The following TBCK variants were observed in gnomAD, a reference collection of about 807,000 sequenced individuals.
TBCK encodes the protein TBC domain-containing protein kinase-like protein.
Under a neutral mutation model 113.4 loss-of-function variants are expected in TBCK, and 99 were observed. The ratio of observed to expected loss-of-function variants is 0.87; its 90% CI spans 0.74 to 1.03. The LOEUF (loss-of-function observed/expected upper bound fraction) is 1.03. Among genes scored for constraint, TBCK ranks in the 50% least tolerant of loss-of-function variants. The pLI, the probability that TBCK is intolerant of heterozygous loss-of-function variation, is 0.00. For synonymous variants in TBCK, 369 were observed against 370.8 expected, an observed-to-expected ratio of 1.00 and a Z score of 0.05; for missense variants, 1,045 against 1,061.3, an observed-to-expected ratio of 0.98 and a Z score of 0.21.
chr4:106,155,800 G>C (rs887438867), intron 23 of TBCK, among the ~76,000 whole-genome samples: 1 of 151,998 alleles, frequency 6.6e-6, no homozygotes, highest in African/African-American at 2.4e-5. Flanking sequence ...GTGTCATCTT[G>C]AATTTCTTTG....
intron 25 of TBCK, among the ~76,000 whole-genome samples, chr4:106,048,921 G>C (rs1734501694): frequency 1.3e-5 from 2 of 152,118 alleles, no homozygotes; most frequent in Non-Finnish European, 2.9e-5. Flanking sequence ...TGCTGTGTGG[G>C]AGGTCTAAGA....
At chr4:106,136,444 T>C (rs1358728728) in intron 23 of TBCK, among the ~76,000 whole-genome samples, 1 of 141,136 alleles carries the variant, frequency 7.1e-6, no homozygotes, top group African/African-American at 2.5e-5. Context: ...GAAAAGGTAA[T>C]ATTTCAGTGG....
At chr4:106,228,088 G>A (rs1758433747) in intron 19 of TBCK, among the ~76,000 whole-genome samples, 1 of 151,706 alleles carries the variant, frequency 6.6e-6, no homozygotes, top group Admixed American at 6.6e-5. Context: ...GGGTTTTCTT[G>A]TTTTGTTTTC....
chr4:106,172,805 T>A (rs1027838760), intron 22 of TBCK, among the ~76,000 whole-genome samples: 1 of 152,132 alleles, frequency 6.6e-6, no homozygotes, highest in Non-Finnish European at 1.5e-5. Context: ...TTTCACTTAA[T>A]CCATTTAATT....
At chr4:106,278,170 T>A (rs1478259120) in intron 3 of TBCK, among the ~76,000 whole-genome samples, 1 of 152,172 alleles carries the variant, frequency 6.6e-6, no homozygotes, top group Non-Finnish European at 1.5e-5. Flanking sequence ...TGAGAATTTG[T>A]AAGTATCTGA....
At chr4:106,208,403 T>G (rs1273941745) in intron 20 of TBCK, among the ~76,000 whole-genome samples, 1 of 148,704 alleles carries the variant, frequency 6.7e-6, no homozygotes, top group Non-Finnish European at 1.5e-5. Context: ...CATCTTTGAG[T>G]GGTGCCTTTT....
At chr4:106,166,671 G>A (rs1333810238) in intron 23 of TBCK, among the ~76,000 whole-genome samples, 1 of 151,576 alleles carries the variant, frequency 6.6e-6, no homozygotes, top group Non-Finnish European at 1.5e-5. Context: ...AAACATAGGT[G>A]CATAAATTTT....
At chr4:106,223,242 A>G (rs1579304211) in intron 19 of TBCK, among the ~76,000 whole-genome samples, 1 of 152,146 alleles carries the variant, frequency 6.6e-6, no homozygotes, top group East Asian at 1.9e-4. Context: ...TTCTAAATAC[A>G]TAACTTTTGG....
intron 23 of TBCK, among the ~76,000 whole-genome samples, chr4:106,133,699 G>A (rs1051222799): frequency 6.6e-6 from 1 of 152,176 alleles, no homozygotes; most frequent in African/African-American, 2.4e-5. Context: ...TTAGAGAAAA[G>A]GGCCCATTGG....
At chr4:106,255,233 C>T (rs1761856515) in intron 5 of TBCK, among the ~76,000 whole-genome samples, 1 of 152,192 alleles carries the variant, frequency 6.6e-6, no homozygotes, top group Non-Finnish European at 1.5e-5. Context: ...TGTGGTGTCA[C>T]TTTGTCAGGT....
At chr4:106,204,751 ATTTTTT>A (rs34775295) in intron 20 of TBCK, among the ~76,000 whole-genome samples, 10 of 87,280 alleles carry the variant, frequency 1.1e-4, no homozygotes, top group African/African-American at 2.8e-4. Context: ...ACAAACAATG[ATTTTTT>A]TTTTTTTTTT....
At chr4:106,197,429 A>ATATATATT (rs1553957941) in intron 20 of TBCK, among the ~76,000 whole-genome samples, 21 of 148,522 alleles carry the variant, frequency 1.4e-4, no homozygotes, top group Admixed American at 4.7e-4. Flanking sequence ...ATATATATAT[A>ATATATATT]TATAATACAA....
chr4:106,089,204 A>G, intron 25 of TBCK, among the ~76,000 whole-genome samples: 1 of 152,120 alleles, frequency 6.6e-6, no homozygotes, highest in South Asian at 2.1e-4. Flanking sequence ...TGGGAACAAG[A>G]GAGAGAGGAG....
chr4:106,249,736 G>A (rs1761220074), intron 7 of TBCK, among the ~76,000 whole-genome samples: 1 of 151,850 alleles, frequency 6.6e-6, no homozygotes, highest in African/African-American at 2.4e-5. Context: ...AATTAAATGT[G>A]GTAAATCTGG....
chr4:106,171,297 A>G, intron 22 of TBCK, 27 bp from the exon 23 acceptor site: 1 of 1,564,062 alleles, frequency 6.4e-7, no homozygotes, highest in Non-Finnish European at 8.7e-7. Context: ...TAAAAAAGCA[A>G]ATGTATAGAA....
chr4:106,220,514 C>G (rs762439327), intron 19 of TBCK, among the ~76,000 whole-genome samples: 1 of 151,732 alleles, frequency 6.6e-6, no homozygotes, highest in Non-Finnish European at 1.5e-5. Flanking sequence ...ATATCCTACA[C>G]AGAAGAGCTT....
At chr4:106,068,184 G>A (rs1041924906) in intron 25 of TBCK, among the ~76,000 whole-genome samples, 32 of 151,568 alleles carry the variant, frequency 2.1e-4, no homozygotes, top group Non-Finnish European at 4.1e-4. Flanking sequence ...TAAGTTCTAG[G>A]GTACATGTGC....
chr4:106,270,924 T>C (rs1420557228), intron 3 of TBCK, among the ~76,000 whole-genome samples: 1 of 152,182 alleles, frequency 6.6e-6, no homozygotes, highest in Non-Finnish European at 1.5e-5. Context: ...AGTGATTATA[T>C]TTAGATCAGA....
intron 3 of TBCK, among the ~76,000 whole-genome samples, chr4:106,288,973 C>G (rs902167456): frequency 6.6e-5 from 10 of 152,184 alleles, no homozygotes; most frequent in Non-Finnish European, 1.2e-4. Flanking sequence ...CCATCTACAA[C>G]ATAGCTCACT....
Sources: gnomAD v4.1 joint callset for allele counts (sites outside exome capture counted in the v4.1 genomes callset) on GRCh38, gnomAD v4.1.1 for gene constraint, MANE v1.5 for transcripts, NCBI Gene and HGNC (gene_info 2026-07-23, HGNC 2026-07-21) for gene names.